NRG1: variants seen among roughly 807,000 people sequenced by gnomAD.
NRG1 encodes neuregulin 1, also known as pro-neuregulin-1, membrane-bound isoform.
NRG1 carries 18 observed loss-of-function variants against 63.8 expected under a neutral mutation model. That is an observed-to-expected ratio of 0.28 (90% CI 0.19 to 0.42). NRG1 has a LOEUF of 0.42. Ranked by LOEUF, NRG1 falls within the 10% of genes least tolerant of loss-of-function variation. The probability of loss-of-function intolerance (pLI) is 1.00; values close to 1 mark genes in which losing one functional copy is unlikely to be tolerated. For missense variants in NRG1, 762 were observed against 814.7 expected, an observed-to-expected ratio of 0.94 and a Z score of 0.79; for synonymous variants, 302 against 301.3, an observed-to-expected ratio of 1.00 and a Z score of -0.02.
intron 1 of NRG1, among the ~76,000 whole-genome samples, chr8:32,345,058 A>G (rs1804707536): frequency 1.3e-5 from 2 of 152,164 alleles, no homozygotes; most frequent in Non-Finnish European, 2.9e-5. Context: ...TGGCCTCTCC[A>G]TCACTTCCTC....
At chr8:31,853,712 A>C (rs1827514512) in intron 1 of NRG1, among the ~76,000 whole-genome samples, 1 of 150,786 alleles carries the variant, frequency 6.6e-6, no homozygotes, top group Non-Finnish European at 1.5e-5. Flanking sequence ...GAATGCTTCC[A>C]GTTTTTGCCC....
At chr8:31,730,043 T>C (rs542652187) in intron 1 of NRG1, among the ~76,000 whole-genome samples, 3 of 152,200 alleles carry the variant, frequency 2.0e-5, no homozygotes, top group African/African-American at 7.2e-5. Context: ...CTTAAGTAGT[T>C]AGATGATTGC....
intron 1 of NRG1, among the ~76,000 whole-genome samples, chr8:32,109,266 A>G (rs930674541): frequency 6.6e-6 from 1 of 152,072 alleles, no homozygotes; most frequent in Non-Finnish European, 1.5e-5. Flanking sequence ...CTTTTTCCCA[A>G]GGTTCGCTGT....
intron 1 of NRG1, among the ~76,000 whole-genome samples, chr8:31,959,940 C>T (rs554023060): frequency 1.2e-4 from 18 of 151,868 alleles, no homozygotes; most frequent in South Asian, 2.1e-4. Flanking sequence ...GCCACAGGCA[C>T]GGATGCAGAG....
At chr8:32,764,415 C>T (rs1436118309) in exon 12 of NRG1, 1 of 1,521,952 alleles carries the variant, frequency 6.6e-7, no homozygotes, top group African/African-American at 1.4e-5. Context: ...CCTAAATAAA[C>T]ACATAGATTC....
At chr8:32,313,077 C>CA (rs1470202575) in intron 1 of NRG1, among the ~76,000 whole-genome samples, 2 of 151,974 alleles carry the variant, frequency 1.3e-5, no homozygotes, top group Non-Finnish European at 2.9e-5. Flanking sequence ...TGCTTGAACC[C>CA]AAAAAAAGCA....
chr8:32,283,439 G>T (rs1328080322), intron 1 of NRG1, among the ~76,000 whole-genome samples: 1 of 152,270 alleles, frequency 6.6e-6, no homozygotes, highest in East Asian at 1.9e-4. Flanking sequence ...TAGGGTAAAG[G>T]TCAAGTAAGT....
chr8:32,472,633 T>C (rs1035963818), intron 1 of NRG1, among the ~76,000 whole-genome samples: 5 of 152,258 alleles, frequency 3.3e-5, no homozygotes, highest in African/African-American at 9.6e-5. Context: ...CCTGTTTTGG[T>C]GACTCTGAGC....
chr8:32,483,741 C>A (rs1404187304), intron 1 of NRG1, among the ~76,000 whole-genome samples: 2 of 152,128 alleles, frequency 1.3e-5, no homozygotes, highest in African/African-American at 4.8e-5. Context: ...TGGGCAGGGA[C>A]CCCCAGAAAC....
chr8:32,589,328 T>C (rs1206569831), intron 1 of NRG1, among the ~76,000 whole-genome samples: 2 of 152,212 alleles, frequency 1.3e-5, no homozygotes, highest in African/African-American at 4.8e-5. Context: ...TTTATCTACT[T>C]CTAACATGAC....
intron 1 of NRG1, among the ~76,000 whole-genome samples, chr8:32,102,869 GTGGCTTTCTAAGTTTTTTTTT>G (rs1211993956): frequency 6.6e-5 from 10 of 151,980 alleles, no homozygotes; most frequent in Non-Finnish European, 1.3e-4. Flanking sequence ...CAATGTCTTG[GTGGCTTTCTAAGTTTTTTTTT>G]AATTTTTAAT....
intron 1 of NRG1, among the ~76,000 whole-genome samples, chr8:32,024,860 AATTC>A (rs1350948207): frequency 1.3e-5 from 2 of 152,260 alleles, no homozygotes; most frequent in African/African-American, 4.8e-5. Context: ...TAAGCAAATT[AATTC>A]AGTTTATATA....
chr8:31,802,369 C>T (rs1169201022), intron 1 of NRG1, among the ~76,000 whole-genome samples: 1 of 152,122 alleles, frequency 6.6e-6, no homozygotes, highest in Admixed American at 6.6e-5. Context: ...GAATTTGCCA[C>T]TACAAAATGC....
chr8:32,220,778 C>T (rs1466961184), intron 1 of NRG1: 3 of 152,270 alleles, frequency 2.0e-5, no homozygotes, highest in East Asian at 1.9e-4. Flanking sequence ...CCCACTCCAT[C>T]CCCGCGCAGC....
intron 1 of NRG1, among the ~76,000 whole-genome samples, chr8:32,219,999 ACCTTGGAGAATG>A (rs1845643390): frequency 6.6e-6 from 1 of 152,166 alleles, no homozygotes; most frequent in Non-Finnish European, 1.5e-5. Context: ...CAGAAGTTTA[ACCTTGGAGAATG>A]CCATGAAGGG....
At chr8:32,298,645 C>T (rs187514745) in intron 1 of NRG1, among the ~76,000 whole-genome samples, 415 of 145,744 alleles carry the variant, frequency 2.8e-3, no homozygotes, top group African/African-American at 1.0e-2. Flanking sequence ...ACCCAGGAGG[C>T]GGAGGTTGCA....
intron 1 of NRG1, among the ~76,000 whole-genome samples, chr8:31,795,867 A>G (rs1221067804): frequency 6.6e-6 from 1 of 152,176 alleles, no homozygotes; most frequent in Non-Finnish European, 1.5e-5. Context: ...AAATAATTCT[A>G]CTTCGTGTGT....
At chr8:31,890,784 G>T (rs1484873456) in intron 1 of NRG1, among the ~76,000 whole-genome samples, 2 of 152,304 alleles carry the variant, frequency 1.3e-5, no homozygotes, top group African/African-American at 2.4e-5. Context: ...AATGCCAGAT[G>T]ATAACAGGAC....
chr8:32,730,508 C>T (rs1205821401), intron 6 of NRG1, among the ~76,000 whole-genome samples: 1 of 151,928 alleles, frequency 6.6e-6, no homozygotes, highest in Non-Finnish European at 1.5e-5. Flanking sequence ...AAGATCATTC[C>T]TTTTAGATCT....
Sources: gnomAD v4.1 joint callset for allele counts (sites outside exome capture counted in the v4.1 genomes callset) on GRCh38, gnomAD v4.1.1 for gene constraint, MANE v1.5 for transcripts, NCBI Gene and HGNC (gene_info 2026-07-23, HGNC 2026-07-21) for gene names.